Variants in ENSA observed in about 807,000 individuals in gnomAD.
ENSA encodes alpha-endosulfine.
A neutral mutation model predicts 16.8 loss-of-function variants in ENSA; 7 were observed. The ratio of observed to expected loss-of-function variants is 0.42; its 90% CI spans 0.24 to 0.78. The LOEUF (loss-of-function observed/expected upper bound fraction) is 0.78, where lower values mean the gene tolerates loss of function less well. Ranked by LOEUF, ENSA falls within the 30% of genes least tolerant of loss-of-function variation. The probability of loss-of-function intolerance (pLI) is 0.29; values close to 1 mark genes in which losing one functional copy is unlikely to be tolerated. For synonymous variants in ENSA, 58 were observed against 53.4 expected (o/e 1.09, Z -0.37); for missense variants, 87 against 142.3 (o/e 0.61, Z 1.98).
At position 150,629,590 on chromosome 1, in the gene ENSA, T is replaced by A; in HGVS notation, c.-120A>T. The A allele has an allele frequency of 7.7e-7, 1 of 1,303,804 alleles. No individual in the cohort carries two copies. Among genetic ancestry groups the A allele is most frequent in the Admixed American group, 2.3e-5 (1 of 43,238 alleles). The allele number at this position is 1,303,804 out of a possible 1,614,324, so 80.8% of individuals were successfully genotyped here. On this transcript the variant is annotated 5_prime_UTR_variant, in exon 1 of 4. Coordinates refer to ENST00000369014, the MANE Select transcript of ENSA (RefSeq NM_004436.4). ...GGCTCCTGTCACTAGGGTTGCTCAGTCAAAATGGCGGCCCTTGCCCGTGAC... is the reference window on the plus strand; with the variant it reads ...GGCTCCTGTCACTAGGGTTGCTCAGACAAAATGGCGGCCCTTGCCCGTGAC...
rs1649597073 is a variant in ENSA, at chr1:150,629,541, G to A, written c.-71C>T. ...GGAGAAGGGAAGGGGGAGGGGAAACGGGGACAACCTGCGCTGCTGCTTCGG... is the reference window on the plus strand; with the variant it reads ...GGAGAAGGGAAGGGGGAGGGGAAACAGGGACAACCTGCGCTGCTGCTTCGG... On this transcript the variant is annotated 5_prime_UTR_variant, in exon 1 of 4. Transcript: ENST00000369014. The A allele has an allele frequency of 1.7e-5, 27 of 1,564,986 alleles. No homozygotes were observed. The highest frequency in any genetic ancestry group is 5.8e-5 in the South Asian group (5 of 86,694).
chr1:150,628,946 A>T lies in ENSA; in HGVS notation c.57+468T>A, dbSNP rs41266901. 9.7e-3 allele frequency: 10,782 copies of T among 1,111,686 alleles called. 80 individuals are homozygous for T. Among genetic ancestry groups the T allele is most frequent in the Middle Eastern group, 0.024 (120 of 4,920 alleles). The allele number at this position is 1,111,686 out of a possible 1,614,324, so 68.9% of individuals were successfully genotyped here. A position where few individuals can be genotyped will look rare whatever the true frequency, so the allele number is the denominator to read the frequency against. On this transcript the variant is annotated intron_variant, in intron 1 of 3. Transcript: ENST00000369014. ...GTTGCCGCCTTAAACTAGCCATTAT[A>T]ATAACTACACTTCTCCCCTCCCCCA...
Position 150,629,540 on chromosome 1 carries a change from C to G in ENSA, c.-70G>C, listed in dbSNP as rs1649596931. 1 of 1,564,688 alleles carries G rather than the reference C, an allele frequency of 6.4e-7. No homozygotes were observed. Among genetic ancestry groups the G allele is most frequent in the Non-Finnish European group, 8.7e-7 (1 of 1,150,954 alleles). ...CGGAGAAGGGAAGGGGGAGGGGAAA[C>G]GGGGACAACCTGCGCTGCTGCTTCG... On this transcript the variant is annotated 5_prime_UTR_variant, in exon 1 of 4. Transcript: ENST00000369014.
rs587612251 is a variant in ENSA at position 150,626,591 on chromosome 1, A to C, written c.184-783T>G. On this transcript the variant is annotated intron_variant, in intron 2 of 3. Coordinates refer to ENST00000369014, the MANE Select transcript of ENSA (RefSeq NM_004436.4). ...TTTTTTTTTGAGATGGAGCCTCGCT[A>C]TGTTGCCCAGGCTGGAGTGCAGTGG... is the stretch of plus-strand genomic sequence containing the variant. 4.3e-3 allele frequency: 5,394 copies of C among 1,265,312 alleles called. 11 individuals carry two copies. Among genetic ancestry groups the C allele is most frequent in the Non-Finnish European group, 5.4e-3 (4,766 of 882,408 alleles). The allele number at this position is 1,265,312 out of a possible 1,614,324, so 78.4% of individuals were successfully genotyped here.
At chr1:150,629,003 G>T in intron 1 of ENSA, 1 of 1,560,288 alleles carries the variant, frequency 6.4e-7, no homozygotes, top group Non-Finnish European at 8.8e-7. Context: ...TCTTTACCTC[G>T]ACCCCTATCT....
At chr1:150,629,320 T>G in intron 1 of ENSA, 94 bp downstream of exon 1, 1 of 1,553,524 alleles carries the variant, frequency 6.4e-7, no homozygotes, top group African/African-American at 1.4e-5. Context: ...CTGCGGAGCC[T>G]GAGACCATGG....
Position 150,629,552 on chromosome 1 carries a change from G to C in ENSA, c.-82C>G. 1 of 1,537,224 alleles carries C rather than the reference G, an allele frequency of 6.5e-7. No homozygotes were observed. The highest frequency in any genetic ancestry group is 8.8e-7 in the Non-Finnish European group (1 of 1,131,922). On this transcript the variant is annotated 5_prime_UTR_variant, in exon 1 of 4. Transcript: ENST00000369014. ...GGGGGAGGGGAAACGGGGACAACCT[G>C]CGCTGCTGCTTCGGCTCCTGTCACT...
chr1:150,629,423 C>T lies in ENSA; in HGVS notation c.48G>A (p.Glu16=). 6.2e-7 allele frequency: 1 copy of T among 1,613,798 alleles called. No homozygotes were observed. The change falls in exon 1 of 4, where the codon GAG becomes GAA. Residue 16 remains glutamate (E), a synonymous_variant. Coordinates refer to ENST00000369014, the MANE Select transcript of ENSA (RefSeq NM_004436.4). ...ACCCCTTCCACTTCACCTGCTTCTCCTCGCCGGTCTCCTCCGCAGGGTTCT... is the reference window on the plus strand; with the variant it reads ...ACCCCTTCCACTTCACCTGCTTCTCTTCGCCGGTCTCCTCCGCAGGGTTCT... ...EEENPAEETG[E]EKQDTQEKEG... is the part of the protein sequence containing the mutation.
intron 3 of ENSA, chr1:150,624,799 A>G: frequency 1.0e-6 from 1 of 984,900 alleles, no homozygotes; most frequent in Non-Finnish European, 1.2e-6. Context: ...TTAAGACTTC[A>G]GAATCAGAAT....
intron 3 of ENSA, chr1:150,624,500 G>A: frequency 3.0e-6 from 3 of 985,920 alleles, no homozygotes; most frequent in Non-Finnish European, 3.6e-6. Flanking sequence ...AAGCTTTTTA[G>A]CAGCTAAGGC....
intron 2 of ENSA, chr1:150,626,351 G>A (rs1649307861): frequency 2.4e-6 from 2 of 818,884 alleles, no homozygotes; most frequent in Non-Finnish European, 4.1e-6. Context: ...TCCCACACAT[G>A]TTCCATGACT....
In ENSA at chr1:150,622,751, G is replaced by T; in HGVS notation, c.*93C>A. 1 of 1,421,756 alleles carries T rather than the reference G, an allele frequency of 7.0e-7. No homozygotes were observed. The highest frequency in any genetic ancestry group is 9.5e-7 in the Non-Finnish European group (1 of 1,051,130). 88.1% of individuals were successfully genotyped at this position (1,421,756 alleles called of 1,614,324 possible). A position where few individuals can be genotyped will look rare whatever the true frequency, so the allele number is the denominator to read the frequency against. ...CACCCGAGCCACCTCCTGACCCCTG[G>T]CTGCAAAAGCAGGAAGGGGCAGGAG... On this transcript the variant is annotated 3_prime_UTR_variant, in exon 4 of 4. Coordinates refer to ENST00000369014, the MANE Select transcript of ENSA (RefSeq NM_004436.4).
rs587707017 is a variant in ENSA at position 150,623,291 on chromosome 1, G to T, written c.351-432C>A. ...AGACCACACACATGCTGTTCTGAAT[G>T]GATTTAATAATCTAGGTTTAATCAA... On this transcript the variant is annotated intron_variant, in intron 3 of 3. Coordinates refer to ENST00000369014, the MANE Select transcript of ENSA (RefSeq NM_004436.4). The T allele has an allele frequency of 2.4e-5, 24 of 996,094 alleles. 1 individual carries two copies. In the South Asian group the frequency reaches 1.1e-3, roughly 44 times the overall value. The allele number at this position is 996,094 out of a possible 1,614,324, so 61.7% of individuals were successfully genotyped here. A position where few individuals can be genotyped will look rare whatever the true frequency, so the allele number is the denominator to read the frequency against.
At chr1:150,624,170 T>G (rs1649148734) in intron 3 of ENSA, 1 of 985,324 alleles carries the variant, frequency 1.0e-6, no homozygotes, top group South Asian at 4.7e-5. Context: ...ACCCCTTTCC[T>G]CCACCTGTTC....
chr1:150,626,595 T>G, intron 2 of ENSA: 2 of 1,225,964 alleles, frequency 1.6e-6, no homozygotes, highest in Non-Finnish European at 1.2e-6. Flanking sequence ...CTCGCTATGT[T>G]GCCCAGGCTG....
chr1:150,624,880 T>A (rs1649193334), intron 3 of ENSA: 1 of 970,678 alleles, frequency 1.0e-6, no homozygotes, highest in African/African-American at 1.8e-5. Context: ...AATGACTTAA[T>A]CAAGGTTATA....
At chr1:150,621,634 A>T (rs1428329762), downstream of ENSA, 2 of 152,164 alleles carry the variant, frequency 1.3e-5, no homozygotes, top group African/African-American at 4.8e-5. Context: ...GCAGCTTTTA[A>T]CTTCTTTCAG....
Position 150,625,827 on chromosome 1 carries a change from G to A in ENSA, c.184-19C>T. On this transcript the variant is annotated intron_variant, in intron 2 of 3. Coordinates refer to ENST00000369014, the MANE Select transcript of ENSA (RefSeq NM_004436.4). ...ACTTTTGCTAAGAGATAAGAGGGAG[G>A]TTTAGGTGAGTGAGGACTCTGGCCT... is the stretch of plus-strand genomic sequence containing the variant. The A allele has an allele frequency of 6.4e-7, 1 of 1,572,228 alleles. No homozygotes were observed. Among genetic ancestry groups the A allele is most frequent in the Non-Finnish European group, 8.6e-7 (1 of 1,156,258 alleles).
chr1:150,623,514 A>T (rs1557768099), intron 3 of ENSA: 1 of 985,632 alleles, frequency 1.0e-6, no homozygotes, highest in South Asian at 4.7e-5. Context: ...AATCAGACTC[A>T]TTGTGACCAG....
Sources: gnomAD v4.1 joint callset for allele counts on GRCh38, gnomAD v4.1.1 for gene constraint, MANE v1.5 for transcripts, NCBI Gene and HGNC (gene_info 2026-07-23, HGNC 2026-07-21) for gene names.